The following RASSF2 variants were observed in gnomAD, a reference collection of about 807,000 sequenced individuals.
The protein encoded by RASSF2 is ras association domain-containing protein 2.
In RASSF2, 34 loss-of-function variants were observed where a neutral mutation model predicts 46.3. The observed-to-expected ratio is 0.73, with a 90% CI of 0.56 to 0.98. The LOEUF is 0.98. Among genes scored for constraint, RASSF2 ranks in the 50% least tolerant of loss-of-function variants. RASSF2 has a pLI of 0.00. For synonymous variants in RASSF2, 158 were observed against 162.5 expected, an observed-to-expected ratio of 0.97 and a Z score of 0.21; for missense variants, 364 against 431.2, an observed-to-expected ratio of 0.84 and a Z score of 1.38.
chr20:4,788,305 T>C (rs754945151), intron 8 of RASSF2, 37 bp from the exon 9 acceptor site: 3 of 1,556,090 alleles, frequency 1.9e-6, no homozygotes, highest in Non-Finnish European at 2.7e-6. Context: ...TGAAAGTTTC[T>C]ATTTAAACAT....
chr20:4,809,488 C>A (rs555502594), intron 2 of RASSF2, among the ~76,000 whole-genome samples: 2 of 152,254 alleles, frequency 1.3e-5, no homozygotes, highest in African/African-American at 2.4e-5. Flanking sequence ...ACAGCACGTA[C>A]CCCACACAGA....
intron 10 of RASSF2, 104 bp downstream of exon 10, chr20:4,787,529 G>T (rs1280722782): frequency 1.3e-5 from 18 of 1,416,164 alleles, no homozygotes; most frequent in Non-Finnish European, 1.4e-5. Flanking sequence ...GTAAAAGGGG[G>T]CATGGTCGTT....
chr20:4,800,476 T>C (rs928510443), intron 3 of RASSF2, among the ~76,000 whole-genome samples: 3 of 152,160 alleles, frequency 2.0e-5, no homozygotes, highest in African/African-American at 7.2e-5. Context: ...GACAGCCCTA[T>C]CCTCACAGAC....
intron 5 of RASSF2, 71 bp from the exon 6 acceptor site, chr20:4,792,698 G>T: frequency 6.5e-7 from 1 of 1,538,898 alleles, no homozygotes; most frequent in Non-Finnish European, 8.7e-7. Context: ...CCCCGCACCC[G>T]CTGGACCCCA....
At chr20:4,796,522 G>A (rs995500149) in intron 4 of RASSF2, among the ~76,000 whole-genome samples, 12 of 152,194 alleles carry the variant, frequency 7.9e-5, no homozygotes, top group Non-Finnish European at 7.3e-5. Context: ...GGGAGAGGCT[G>A]TGCTAATCAG....
At chr20:4,788,148 G>A (rs577566160) in intron 9 of RASSF2, 69 bp downstream of exon 9, 3 of 1,350,146 alleles carry the variant, frequency 2.2e-6, no homozygotes, top group Non-Finnish European at 3.2e-6. Context: ...AGGAGGCAGA[G>A]GTATTTTTTT....
In RASSF2 at chr20:4,795,860, G is replaced by C; in HGVS notation, c.242C>G (p.Pro81Arg). The change falls in exon 5 of 12, where the codon CCA becomes CGA. Residue 81 changes from proline (P) to arginine (R), a missense_variant. Physicochemically the swap from Pro to Arg is moderately radical, Grantham distance 103. Transcript: ENST00000379400. The surrounding 1 kb of genome is among the most constrained non-coding windows in gnomAD (Gnocchi z 4.0). ...QDDNERIRPP[P>R]SSSSWHSGCN... Reference sequence around the variant, plus strand: ...GCCAGAGTGCCAGGAGGAGGAGGATGGAGGGGGTCGAATGCGTTCGTTGTC... The same window carrying C: ...GCCAGAGTGCCAGGAGGAGGAGGATCGAGGGGGTCGAATGCGTTCGTTGTC... The C allele has an allele frequency of 6.2e-7, 1 of 1,611,112 alleles. No individual in the cohort carries two copies. Among genetic ancestry groups the C allele is most frequent in the Non-Finnish European group, 8.5e-7 (1 of 1,178,258 alleles).
chr20:4,786,026 G>A (rs1015493011), intron 11 of RASSF2, among the ~76,000 whole-genome samples: 10 of 152,118 alleles, frequency 6.6e-5, no homozygotes, highest in African/African-American at 2.2e-4. Context: ...ACATCAAAAC[G>A]AGAAGCTGAC....
At chr20:4,785,223 C>T (rs1341676597) in intron 11 of RASSF2, among the ~76,000 whole-genome samples, 1 of 151,528 alleles carries the variant, frequency 6.6e-6, no homozygotes, top group Non-Finnish European at 1.5e-5. Context: ...CCTGTAATCC[C>T]AGCTACTGGG....
chr20:4,792,498 C>A, intron 6 of RASSF2, 41 bp downstream of exon 6: 1 of 1,613,136 alleles, frequency 6.2e-7, no homozygotes. Flanking sequence ...GGTCTTCACA[C>A]AGTTGGTCCC....
intron 2 of RASSF2, among the ~76,000 whole-genome samples, chr20:4,821,866 G>A (rs187088031): frequency 7.9e-4 from 121 of 152,266 alleles, no homozygotes; most frequent in Non-Finnish European, 1.5e-3. Flanking sequence ...GACCTGTCCA[G>A]AGGAGAAAAC....
At chr20:4,806,864 A>G (rs1188606450) in intron 2 of RASSF2, among the ~76,000 whole-genome samples, 2 of 152,186 alleles carry the variant, frequency 1.3e-5, no homozygotes, top group African/African-American at 2.4e-5. Flanking sequence ...TAACTCACCA[A>G]TTGAATTTTC....
At chr20:4,799,306 G>A (rs1926665665) in intron 3 of RASSF2, among the ~76,000 whole-genome samples, 1 of 152,170 alleles carries the variant, frequency 6.6e-6, no homozygotes, top group Non-Finnish European at 1.5e-5. Flanking sequence ...CACCCCCTTT[G>A]TGATCAGGGA....
intron 2 of RASSF2, among the ~76,000 whole-genome samples, chr20:4,802,780 G>A (rs1926987064): frequency 6.6e-6 from 1 of 151,932 alleles, no homozygotes; most frequent in Non-Finnish European, 1.5e-5. Flanking sequence ...CACAACATGT[G>A]AAGTTACTTA....
chr20:4,786,974 G>T (rs2422984), intron 10 of RASSF2, among the ~76,000 whole-genome samples: 43,271 of 151,194 alleles, frequency 0.29, 6,518 homozygotes, highest in African/African-American at 0.38. Flanking sequence ...TCCCAGCTAC[G>T]CAGGGGTCTG....
At chr20:4,814,015 G>T (rs529498216) in intron 2 of RASSF2, among the ~76,000 whole-genome samples, 2 of 152,270 alleles carry the variant, frequency 1.3e-5, no homozygotes, top group South Asian at 2.1e-4. Context: ...GTGGAAAGTT[G>T]GTGGAGACAA....
intron 8 of RASSF2, among the ~76,000 whole-genome samples, chr20:4,789,165 A>C (rs1309113818): frequency 6.6e-6 from 1 of 152,208 alleles, no homozygotes; most frequent in Non-Finnish European, 1.5e-5. Context: ...TTTAAGTATC[A>C]TATTTCAAAG....
At chr20:4,800,224 G>A (rs1926744888) in intron 3 of RASSF2, among the ~76,000 whole-genome samples, 1 of 152,174 alleles carries the variant, frequency 6.6e-6, no homozygotes, top group Non-Finnish European at 1.5e-5. Context: ...AGACTTTAGT[G>A]CACAGAAAGC....
In RASSF2 at chr20:4,790,496, G is replaced by A. The variant is rs1260806017; in HGVS notation, c.492C>T (p.Ile164=). The change falls in exon 7 of 12, where the codon ATC becomes ATT. Residue 164 remains isoleucine, a synonymous_variant. Transcript: ENST00000379400. The surrounding 1 kb of genome is among the most constrained non-coding windows in gnomAD (Gnocchi z 4.3). ...CGTTGATGGAGAAGCGGTGGCGTCT[G>A]ATTCGCCGCTGGTCACTAGGCGTCC... ...NVRTPSDQRR[I]RRHRFSINGH... 2.6e-6 allele frequency: 4 copies of A among 1,517,462 alleles called. No homozygotes were observed. Among genetic ancestry groups the A allele is most frequent in the Non-Finnish European group, 3.5e-6 (4 of 1,137,156 alleles). The allele number at this position is 1,517,462 out of a possible 1,614,324, so 94.0% of individuals were successfully genotyped here. A position where few individuals can be genotyped will look rare whatever the true frequency, so the allele number is the denominator to read the frequency against.
Sources: gnomAD v4.1 joint callset for allele counts (sites outside exome capture counted in the v4.1 genomes callset) on GRCh38, gnomAD v4.1.1 for gene constraint, Gnocchi (gnomAD v3.1) non-coding constraint, MANE v1.5 for transcripts, NCBI Gene and HGNC (gene_info 2026-07-23, HGNC 2026-07-21) for gene names.